Variants in NBPF11 observed in about 807,000 individuals in gnomAD.
The protein encoded by NBPF11 is NBPF member 11.
Under a neutral mutation model 93.9 loss-of-function variants are expected in NBPF11, and 72 were observed. That is an observed-to-expected ratio of 0.77 (90% CI 0.63 to 0.93). NBPF11 has a LOEUF of 0.93. NBPF11 is among the 40% of genes least tolerant of loss of function. The pLI is 0.00. For synonymous variants in NBPF11, 224 were observed against 304.9 expected, an observed-to-expected ratio of 0.73 and a Z score of 2.76; for missense variants, 705 against 802.2, an observed-to-expected ratio of 0.88 and a Z score of 1.46.
chr1:148,145,201 CTTT>C (rs1190949525), intron 1 of NBPF11, among the ~76,000 whole-genome samples: 3 of 75,600 alleles, frequency 4.0e-5, no homozygotes, highest in Admixed American at 1.5e-4. Flanking sequence ...TTTTTTCTTT[CTTT>C]TTTTTTTTTT....
chr1:148,124,719 T>G (rs1310382886), intron 6 of NBPF11, among the ~76,000 whole-genome samples, 180 bp downstream of exon 6: 2 of 152,110 alleles, frequency 1.3e-5, no homozygotes, highest in Non-Finnish European at 2.9e-5. Flanking sequence ...AAGAAACAAC[T>G]GCAACACAGA....
At chr1:148,140,355 G>T (rs1194118510) in intron 2 of NBPF11, among the ~76,000 whole-genome samples, 1 of 151,318 alleles carries the variant, frequency 6.6e-6, no homozygotes, top group African/African-American at 2.4e-5. Flanking sequence ...GGGGATCCTG[G>T]GTTCAATGAT....
chr1:148,149,648 T>G, intron 1 of NBPF11: 1 of 1,295,054 alleles, frequency 7.7e-7, no homozygotes, highest in Non-Finnish European at 1.1e-6. Flanking sequence ...AGGGGCTGCA[T>G]GTGGACCCCC....
intron 15 of NBPF11, among the ~76,000 whole-genome samples, chr1:148,112,868 C>CT (rs1665621164): frequency 6.6e-6 from 1 of 150,778 alleles, no homozygotes; most frequent in African/African-American, 2.5e-5. Context: ...TCCAGCCAAA[C>CT]AAAGCTTCAT....
At chr1:148,104,409 A>G in intron 23 of NBPF11, 128 bp downstream of exon 23, 2 of 636,036 alleles carry the variant, frequency 3.1e-6, no homozygotes, top group East Asian at 2.6e-5. Flanking sequence ...ATGAAAACCA[A>G]CAACAATGAC....
rs1450594216 is a variant in NBPF11 at position 148,105,498 on chromosome 1, C to A, written c.2334G>T (p.Glu778Asp). ...CCAGTGAGTCCTGCAAGACTTCAGGCTCTACTACCTCCAGCAGCTCCCTGC... is the reference window on the plus strand; with the variant it reads ...CCAGTGAGTCCTGCAAGACTTCAGGATCTACTACCTCCAGCAGCTCCCTGC... ...RLSRELLEVV[E>D]PEVLQDSLDV... Residue 778 changes from glutamate to aspartate, a missense_variant, in exon 22 of 24, where the codon GAG becomes GAT. Glu to Asp is a conservative substitution (Grantham distance 45). This residue lies in a region of NBPF11 where 109 missense variants were observed against 83.3 expected (regional missense o/e 1.31). Transcript: ENST00000682118. 3.9e-6 allele frequency: 4 copies of A among 1,032,018 alleles called. 2 individuals are homozygous for A. Among genetic ancestry groups the A allele is most frequent in the Non-Finnish European group, 5.8e-6 (4 of 689,522 alleles). 63.9% of individuals were successfully genotyped at this position (1,032,018 alleles called of 1,614,324 possible).
Position 148,102,435 on chromosome 1 carries a change from G to A in NBPF11, c.*1461C>T, listed in dbSNP as rs2149149561. ...CCAAGTACTTCATTATAAGTAAGGT[G>A]TCTCTAAAAGGGACAGATCTCCTAG... On this transcript the variant is annotated 3_prime_UTR_variant, in exon 24 of 24. Coordinates refer to ENST00000682118, the MANE Select transcript of NBPF11 (RefSeq NM_001385469.3). 1 of 151,900 alleles carries A rather than the reference G, an allele frequency of 6.6e-6. No homozygotes were observed. The highest frequency in any genetic ancestry group is 2.1e-4 in the South Asian group (1 of 4,816). The allele number at this position is 151,900 out of a possible 1,614,324, so 9.4% of individuals were successfully genotyped here. A position where few individuals can be genotyped will look rare whatever the true frequency, so the allele number is the denominator to read the frequency against.
chr1:148,131,400 G>T lies in NBPF11; in HGVS notation c.-36+4272C>A, dbSNP rs1320908841. Among the ~76,000 whole-genome samples, 57 of 152,088 alleles carry T rather than the reference G, an allele frequency of 3.7e-4. 2 individuals carry two copies. The highest frequency in any genetic ancestry group is 1.4e-3 in the African/African-American group (56 of 41,388). ...GGACTCTCCAAACCTCTGTGATTTA[G>T]CAGGAGACAAGATAAGGGCCCCCAG... On this transcript the variant is annotated intron_variant, in intron 4 of 23. Coordinates refer to ENST00000682118, the MANE Select transcript of NBPF11 (RefSeq NM_001385469.3).
Position 148,136,328 on chromosome 1 carries a change from T to A in NBPF11, c.-177-515A>T, listed in dbSNP as rs1388412126. Among the ~76,000 whole-genome samples, 19 of 151,692 alleles carry A rather than the reference T, an allele frequency of 1.3e-4. 1 individual carries two copies. The East Asian group carries it at 3.7e-3, about 29-fold the overall frequency. On this transcript the variant is annotated intron_variant, in intron 3 of 23. Coordinates refer to ENST00000682118, the MANE Select transcript of NBPF11 (RefSeq NM_001385469.3). ...AAAACTGGAAACATTCAAATATCTATCAATACAAGAATGGATACATTCTTG... is the reference window on the plus strand; with the variant it reads ...AAAACTGGAAACATTCAAATATCTAACAATACAAGAATGGATACATTCTTG...
intron 19 of NBPF11, among the ~76,000 whole-genome samples, 166 bp downstream of exon 19, chr1:148,107,545 G>C (rs1664019530): frequency 6.6e-6 from 1 of 152,300 alleles, no homozygotes; most frequent in African/African-American, 2.4e-5. Flanking sequence ...AGGGGAGGAA[G>C]AAATGGAAAC....
chr1:148,112,195 G>A (rs1665455822), intron 15 of NBPF11, among the ~76,000 whole-genome samples: 1 of 147,430 alleles, frequency 6.8e-6, no homozygotes, highest in South Asian at 2.1e-4. Flanking sequence ...GGGTACACGT[G>A]CACAACGTGC....
intron 12 of NBPF11, among the ~76,000 whole-genome samples, chr1:148,116,811 C>T (rs1666668320): frequency 1.3e-5 from 2 of 152,052 alleles, no homozygotes; most frequent in South Asian, 2.1e-4. Flanking sequence ...TCTCTCTGGA[C>T]TTTGGCAGCT....
chr1:148,129,155 T>TTATA (rs1278388842), intron 4 of NBPF11, among the ~76,000 whole-genome samples: 10 of 137,866 alleles, frequency 7.3e-5, no homozygotes, highest in Admixed American at 4.5e-4. Context: ...TGTATATATA[T>TTATA]TATATATATA....
rs1647554582 is a variant in NBPF11, at chr1:148,149,134, C to T, written c.-549+2616G>A. The T allele has an allele frequency of 1.2e-5, 19 of 1,580,754 alleles. No individual in the cohort carries two copies. In the Admixed American group the frequency reaches 1.2e-4, roughly 10 times the overall value. On this transcript the variant is annotated intron_variant, in intron 1 of 23. Transcript: ENST00000682118. ...AAGGGTGCGCGCGCGTTGGAGGCCG[C>T]GGCTGACCCTGCTCCGGCGCCGCCA...
intron 18 of NBPF11, among the ~76,000 whole-genome samples, chr1:148,108,203 G>T (rs1664244466): frequency 6.6e-6 from 1 of 151,366 alleles, no homozygotes; most frequent in South Asian, 2.1e-4. Context: ...CAAAATCAGA[G>T]TTGTGTGAAT....
At chr1:148,106,921 C>A in intron 20 of NBPF11, 21 bp downstream of exon 20, 1 of 688,944 alleles carries the variant, frequency 1.5e-6, no homozygotes, top group South Asian at 1.5e-5. Context: ...AGGCTTATCA[C>A]CTTCATAGTA....
intron 2 of NBPF11, among the ~76,000 whole-genome samples, chr1:148,141,354 C>T (rs1311437335): frequency 6.6e-6 from 1 of 152,034 alleles, no homozygotes; most frequent in Non-Finnish European, 1.5e-5. Flanking sequence ...ATGGACCACA[C>T]TAATACAACA....
chr1:148,120,008 G>A (rs1667463241), intron 10 of NBPF11, among the ~76,000 whole-genome samples: 2 of 151,814 alleles, frequency 1.3e-5, no homozygotes, highest in African/African-American at 2.4e-5. Flanking sequence ...TCTATTAGGA[G>A]CAGACTCCTC....
chr1:148,126,129 T>G (rs1177088857), intron 5 of NBPF11, among the ~76,000 whole-genome samples: 1 of 151,740 alleles, frequency 6.6e-6, no homozygotes, highest in East Asian at 1.9e-4. Context: ...GCCTCCCGAT[T>G]AGTGGTGATT....
Sources: allele counts gnomAD v4.1 joint callset (sites outside exome capture counted in the v4.1 genomes callset), GRCh38; gene constraint gnomAD v4.1.1; regional missense constraint gnomAD v4.1.1; transcripts MANE v1.5; gene names NCBI Gene and HGNC (gene_info 2026-07-23, HGNC 2026-07-21).